Variants in MAOB observed in about 807,000 individuals in gnomAD.
MAOB encodes amine oxidase [flavin-containing] B.
In MAOB, 15 loss-of-function variants were observed where a neutral mutation model predicts 41.9. That is an observed-to-expected ratio of 0.36 (90% confidence interval 0.24 to 0.55). MAOB has a LOEUF of 0.55. Ranked by LOEUF, MAOB falls within the 20% of genes least tolerant of loss-of-function variation. MAOB has a pLI of 0.86. For missense variants in MAOB, 345 were observed against 398.7 expected (o/e 0.87, Z 1.15); for synonymous variants, 167 against 144.2 (o/e 1.16, Z -1.13).
chrX:43,823,746 C>A (rs1165875233), intron 3 of MAOB, among the ~76,000 whole-genome samples: 1 of 111,731 alleles, frequency 9.0e-6, no homozygotes, highest in Non-Finnish European at 1.9e-5. Flanking sequence ...AGTTATTTCA[C>A]CTTTTCCATC....
At chrX:43,830,724 T>A (rs964653016) in intron 3 of MAOB, among the ~76,000 whole-genome samples, 4 of 112,007 alleles carry the variant, frequency 3.6e-5, no homozygotes, top group Non-Finnish European at 7.5e-5. Context: ...TCTTACTTGC[T>A]ACTAAGAATC....
rs137985358 is a variant in MAOB, at chrX:43,785,994, C to T, written c.929-4450G>A. 1.0e-3 allele frequency among the ~76,000 whole-genome samples: 111 copies of T among 111,496 alleles called. 1 individual carries two copies. In the East Asian group the frequency reaches 0.019, roughly 19 times the overall value. On this transcript the variant is annotated intron_variant, in intron 8 of 14. Coordinates refer to ENST00000378069, the MANE Select transcript of MAOB (RefSeq NM_000898.5). The stretch of plus-strand genomic sequence containing the variant: ...GACACAGAGACATAAAGTGAGTACA[C>T]GCTGTTGGAAAAATGATGCCGATAA...
chrX:43,850,250 CAAA>C (rs2035241618), intron 1 of MAOB: 1 of 575,120 alleles, frequency 1.7e-6, no homozygotes, highest in Non-Finnish European at 2.1e-6. Context: ...GTTGCTAAAA[CAAA>C]ATTCTTGAAA....
chrX:43,816,187 A>G (rs2034811975), intron 3 of MAOB, among the ~76,000 whole-genome samples: 1 of 111,986 alleles, frequency 8.9e-6, no homozygotes, highest in African/African-American at 3.2e-5. Context: ...AGAAGTCAGG[A>G]TACTGGCTCT....
chrX:43,792,619 C>T (rs1334252553), intron 8 of MAOB, among the ~76,000 whole-genome samples: 3 of 111,556 alleles, frequency 2.7e-5, no homozygotes, highest in Non-Finnish European at 5.7e-5. Flanking sequence ...CAGATAAATG[C>T]CAATCAAAAC....
intron 1 of MAOB, among the ~76,000 whole-genome samples, chrX:43,874,604 C>T (rs774082606): frequency 1.8e-5 from 2 of 111,578 alleles, no homozygotes; most frequent in African/African-American, 6.5e-5. Context: ...CCCCCTCCTA[C>T]TAACTTTCCT....
intron 7 of MAOB, among the ~76,000 whole-genome samples, chrX:43,794,820 GGCCTCTTCCCACTTGTTTAAGTGTC>G (rs1449397745): frequency 9.2e-6 from 1 of 109,213 alleles, no homozygotes; most frequent in Non-Finnish European, 1.9e-5. Context: ...ATGAGACTGT[GGCCTCTTCCCACTTGTTTAAGTGTC>G]TTGGTAACTC....
chrX:43,835,735 C>G (rs966230562), intron 3 of MAOB, among the ~76,000 whole-genome samples: 1 of 111,511 alleles, frequency 9.0e-6, no homozygotes, highest in South Asian at 3.8e-4. Flanking sequence ...TACCACAGAA[C>G]TGGTGATATT....
At chrX:43,830,566 A>G (rs1430128694) in intron 3 of MAOB, among the ~76,000 whole-genome samples, 1 of 112,216 alleles carries the variant, frequency 8.9e-6, no homozygotes, top group Non-Finnish European at 1.9e-5. Flanking sequence ...AACACAGAAG[A>G]AAAATAATAC....
intron 12 of MAOB, among the ~76,000 whole-genome samples, chrX:43,771,803 G>A (rs1413123031): frequency 5.4e-5 from 6 of 110,996 alleles, no homozygotes; most frequent in East Asian, 5.7e-4. Flanking sequence ...ATAGTTTCCC[G>A]CCACTTGTCA....
At chrX:43,824,998 T>G (rs2034928524) in intron 3 of MAOB, among the ~76,000 whole-genome samples, 2 of 112,902 alleles carry the variant, frequency 1.8e-5, no homozygotes, top group African/African-American at 6.4e-5. Context: ...TCAATGTTCT[T>G]AGAATTGCCC....
intron 3 of MAOB, among the ~76,000 whole-genome samples, chrX:43,834,762 T>C (rs953265019): frequency 3.6e-5 from 4 of 112,417 alleles, no homozygotes; most frequent in African/African-American, 9.7e-5. Flanking sequence ...ATCTTTAGCA[T>C]TGAAGGTTGA....
At chrX:43,814,143 A>G (rs2034780608) in intron 3 of MAOB, among the ~76,000 whole-genome samples, 1 of 110,625 alleles carries the variant, frequency 9.0e-6, no homozygotes, top group South Asian at 4.0e-4. Flanking sequence ...TGCACAAGAA[A>G]CCAGAAGGGG....
chrX:43,819,287 C>T lies in MAOB; in HGVS notation c.280-15883G>A, dbSNP rs375795055. Reference sequence around the variant, plus strand: ...ATTTTCAGCCCCCTTCAGAGATTATCCCAGCTGCAGAAAATCCACTTTGCC... The same window carrying T: ...ATTTTCAGCCCCCTTCAGAGATTATTCCAGCTGCAGAAAATCCACTTTGCC... On this transcript the variant is annotated intron_variant, in intron 3 of 14. Coordinates refer to ENST00000378069, the MANE Select transcript of MAOB (RefSeq NM_000898.5). 1.1e-4 allele frequency among the ~76,000 whole-genome samples: 12 copies of T among 111,489 alleles called. No homozygotes were observed. The East Asian group carries it at 3.1e-3, about 29-fold the overall frequency.
chrX:43,800,134 C>T (rs1206790417), intron 5 of MAOB, among the ~76,000 whole-genome samples: 1 of 111,028 alleles, frequency 9.0e-6, no homozygotes, highest in Non-Finnish European at 1.9e-5. Context: ...CTCCTAGTAT[C>T]TCAGAATGCT....
intron 2 of MAOB, 96 bp from the exon 3 acceptor site, chrX:43,839,101 T>C: frequency 1.6e-6 from 1 of 630,253 alleles, no homozygotes; most frequent in Non-Finnish European, 2.3e-6. Context: ...ATTTCACAAG[T>C]TATAGATACA....
intron 10 of MAOB, 62 bp downstream of exon 10, chrX:43,780,280 G>C (rs1407777800): frequency 1.1e-6 from 1 of 909,078 alleles, no homozygotes; most frequent in African/African-American, 2.0e-5. Context: ...GAAAAGGGAG[G>C]GAGGGATGGA....
At chrX:43,874,341 T>C (rs1372707229) in intron 1 of MAOB, among the ~76,000 whole-genome samples, 1 of 111,218 alleles carries the variant, frequency 9.0e-6, no homozygotes, top group African/African-American at 3.3e-5. Context: ...TTCTACTCAT[T>C]CTTCCCTTCT....
chrX:43,776,737 T>C (rs1173143868), intron 11 of MAOB, among the ~76,000 whole-genome samples: 1 of 106,088 alleles, frequency 9.4e-6, no homozygotes, highest in Non-Finnish European at 1.9e-5. Context: ...ATTAGGTATA[T>C]CTCCAAATGC....
Sources: gnomAD v4.1 joint callset for allele counts (sites outside exome capture counted in the v4.1 genomes callset) on GRCh38, gnomAD v4.1.1 for gene constraint, MANE v1.5 for transcripts, NCBI Gene and HGNC (gene_info 2026-07-23, HGNC 2026-07-21) for gene names.